Variants in CDK14 observed in about 807,000 individuals in gnomAD.
The protein encoded by CDK14 is cyclin-dependent kinase 14.
CDK14 carries 34 observed loss-of-function variants against 60.7 expected under a neutral mutation model. The ratio of observed to expected loss-of-function variants is 0.56; its 90% CI spans 0.43 to 0.75. CDK14 has a LOEUF of 0.75. Among genes scored for constraint, CDK14 ranks in the 30% least tolerant of loss-of-function variants. The pLI is 0.00. For synonymous variants in CDK14, 197 were observed against 203.7 expected, an observed-to-expected ratio of 0.97 and a Z score of 0.28; for missense variants, 482 against 564.1, an observed-to-expected ratio of 0.85 and a Z score of 1.47.
intron 12 of CDK14, among the ~76,000 whole-genome samples, chr7:91,085,957 A>T (rs773513427): frequency 2.0e-5 from 3 of 152,230 alleles, no homozygotes; most frequent in African/African-American, 7.2e-5. Context: ...GGCACTTAAA[A>T]TGTGACTACT....
chr7:90,954,952 A>C (rs554454291), intron 8 of CDK14, among the ~76,000 whole-genome samples: 5 of 151,590 alleles, frequency 3.3e-5, no homozygotes, highest in African/African-American at 1.2e-4. Context: ...GGAAAAAAAA[A>C]CAGACCTACA....
chr7:90,685,303 G>T (rs1801409336), intron 2 of CDK14, among the ~76,000 whole-genome samples: 1 of 151,890 alleles, frequency 6.6e-6, no homozygotes, highest in Non-Finnish European at 1.5e-5. Context: ...GTATCTCAAT[G>T]ATGATATTAT....
chr7:90,899,589 A>G (rs1392991513), intron 7 of CDK14, among the ~76,000 whole-genome samples: 1 of 152,058 alleles, frequency 6.6e-6, no homozygotes, highest in African/African-American at 2.4e-5. Flanking sequence ...TTCTTGCTGG[A>G]GAAACATTTG....
At chr7:90,863,698 T>TTGTGTG (rs1554358064) in intron 6 of CDK14, among the ~76,000 whole-genome samples, 1 of 58,468 alleles carries the variant, frequency 1.7e-5, no homozygotes, top group African/African-American at 5.4e-5. Context: ...GTGTGTGTGT[T>TTGTGTG]TGTGTGTGTG....
rs1797513848 is a variant in CDK14, at chr7:91,055,214, T to C, written c.1105+9254T>C. Among the ~76,000 whole-genome samples the C allele has an allele frequency of 3.9e-5, 6 of 152,156 alleles. No individual in the cohort carries two copies. The South Asian group carries it at 1.2e-3, about 32-fold the overall frequency. On this transcript the variant is annotated intron_variant, in intron 11 of 14. Transcript: ENST00000380050. ...TTTGTTATAAAATAAATCGTAGATA[T>C]GGCCAACGATATGAAATAAAAATAA...
chr7:90,680,063 T>C (rs980584743), intron 2 of CDK14, among the ~76,000 whole-genome samples: 1 of 150,774 alleles, frequency 6.6e-6, no homozygotes, highest in African/African-American at 2.4e-5. Context: ...AATAGAATTT[T>C]TGTTTATATA....
At chr7:90,734,086 A>G (rs1044040246) in intron 3 of CDK14, among the ~76,000 whole-genome samples, 2 of 152,200 alleles carry the variant, frequency 1.3e-5, no homozygotes, top group Non-Finnish European at 2.9e-5. Context: ...TTAGCTGGAT[A>G]TGAAATTCTG....
chr7:90,979,441 G>A (rs1013441993), intron 9 of CDK14: 7 of 152,074 alleles, frequency 4.6e-5, no homozygotes, highest in Non-Finnish European at 1.0e-4. Flanking sequence ...GCCCTTTCAG[G>A]CGTTAAGCAT....
At chr7:90,831,314 G>A (rs895411620) in intron 5 of CDK14, among the ~76,000 whole-genome samples, 2 of 152,152 alleles carry the variant, frequency 1.3e-5, no homozygotes, top group African/African-American at 4.8e-5. Context: ...TACGTGGTGG[G>A]AGGAGAGAGA....
At chr7:90,649,269 TTTCTTTC>T (rs1299327058) in intron 2 of CDK14, among the ~76,000 whole-genome samples, 1 of 43,874 alleles carries the variant, frequency 2.3e-5, no homozygotes, top group African/African-American at 1.1e-4. Context: ...TCTTTCTTTC[TTTCTTTC>T]TTTCTTTCTT....
intron 14 of CDK14, 96 bp downstream of exon 14, chr7:91,118,304 C>T: frequency 3.3e-6 from 2 of 610,154 alleles, no homozygotes; most frequent in Admixed American, 5.5e-5. Flanking sequence ...CACCAACTAT[C>T]CTATGAGTCT....
chr7:90,789,141 T>C (rs770430641), intron 4 of CDK14, among the ~76,000 whole-genome samples: 1 of 152,204 alleles, frequency 6.6e-6, no homozygotes, highest in Non-Finnish European at 1.5e-5. Flanking sequence ...ATTACATCAT[T>C]GTAGTAGCAA....
intron 6 of CDK14, among the ~76,000 whole-genome samples, chr7:90,873,242 A>G (rs1791435695): frequency 1.3e-5 from 2 of 152,204 alleles, no homozygotes; most frequent in Admixed American, 6.5e-5. Flanking sequence ...ACCTGATGTA[A>G]GTACCCAAGA....
chr7:91,181,994 CT>C (rs1467960447), intron 14 of CDK14, among the ~76,000 whole-genome samples: 1 of 152,016 alleles, frequency 6.6e-6, no homozygotes, highest in African/African-American at 2.4e-5. Context: ...ATGTATGTTT[CT>C]TTTTAAGATG....
At chr7:90,634,973 TG>T (rs1246494421) in intron 2 of CDK14, among the ~76,000 whole-genome samples, 5 of 152,328 alleles carry the variant, frequency 3.3e-5, no homozygotes, top group African/African-American at 9.6e-5. Flanking sequence ...CACTTTTTGA[TG>T]GGGTTGTTTG....
chr7:90,710,359 C>G (rs1802016029), intron 2 of CDK14: 1 of 985,038 alleles, frequency 1.0e-6, no homozygotes, highest in Admixed American at 6.2e-5. Flanking sequence ...GCTGAATGCC[C>G]TCTGAGTCAA....
intron 3 of CDK14, among the ~76,000 whole-genome samples, chr7:90,731,464 A>C (rs996030307): frequency 2.0e-5 from 3 of 152,112 alleles, no homozygotes; most frequent in African/African-American, 7.2e-5. Context: ...TTGATTCTTC[A>C]TATCCATGAC....
At chr7:91,182,313 T>G (rs2115885696) in intron 14 of CDK14, among the ~76,000 whole-genome samples, 1 of 152,274 alleles carries the variant, frequency 6.6e-6, no homozygotes, top group Admixed American at 6.5e-5. Flanking sequence ...GTCAAATTGC[T>G]ATGTTTTCAA....
intron 14 of CDK14, among the ~76,000 whole-genome samples, chr7:91,158,633 G>A (rs1801065746): frequency 6.6e-6 from 1 of 152,192 alleles, no homozygotes; most frequent in Non-Finnish European, 1.5e-5. Context: ...TTTCTGTGAA[G>A]TAATGTGTGC....
Sources: allele counts gnomAD v4.1 joint callset (sites outside exome capture counted in the v4.1 genomes callset), GRCh38; gene constraint gnomAD v4.1.1; transcripts MANE v1.5; gene names NCBI Gene and HGNC (gene_info 2026-07-23, HGNC 2026-07-21).